LATS2: variants seen among roughly 807,000 people sequenced by gnomAD.
LATS2 encodes the protein serine/threonine-protein kinase LATS2.
Under a neutral mutation model 76.0 loss-of-function variants are expected in LATS2, and 24 were observed. The ratio of observed to expected loss-of-function variants is 0.32; its 90% CI spans 0.23 to 0.44. The LOEUF is 0.44. LATS2 is among the 20% of genes least tolerant of loss of function. The pLI is 1.00. For synonymous variants in LATS2, 692 were observed against 635.4 expected, an observed-to-expected ratio of 1.09 and a Z score of -1.34; for missense variants, 1,286 against 1,481.2, an observed-to-expected ratio of 0.87 and a Z score of 2.16.
intron 2 of LATS2, among the ~76,000 whole-genome samples, chr13:21,032,980 T>C (rs1387047431): frequency 1.3e-5 from 2 of 151,430 alleles, no homozygotes; most frequent in East Asian, 3.9e-4. Flanking sequence ...AAGAAATAAG[T>C]GGAGATCAGA....
intron 1 of LATS2, among the ~76,000 whole-genome samples, chr13:21,057,694 G>A (rs1401649884): frequency 6.6e-6 from 1 of 152,088 alleles, no homozygotes; most frequent in Non-Finnish European, 1.5e-5. Flanking sequence ...CAGCTACTCA[G>A]GAGGCTGAGG....
In LATS2 at chr13:20,974,525, T is replaced by C. The variant is rs1869499372; in HGVS notation, c.*345A>G. On this transcript the variant is annotated 3_prime_UTR_variant, in exon 8 of 8. Transcript: ENST00000382592. ...ATAAGTGCTATGGATAAAATACAAA[T>C]GTAGAAAATAACAGCAGCATGATTT... 1 of 261,772 alleles carries C rather than the reference T, an allele frequency of 3.8e-6. No homozygotes were observed. The highest frequency in any genetic ancestry group is 1.3e-4 in the South Asian group (1 of 7,714). The allele number at this position is 261,772 out of a possible 1,614,324, so 16.2% of individuals were successfully genotyped here.
In LATS2 at chr13:20,973,869, C is replaced by T. The variant is rs1415519616; in HGVS notation, c.*1001G>A. On this transcript the variant is annotated 3_prime_UTR_variant, in exon 8 of 8. Transcript: ENST00000382592. Reference sequence around the variant, plus strand: ...GCTCTACCAAGAATGAAAGAGCATACGGACTACAGAAACGGACATGTGTCC... The same window carrying T: ...GCTCTACCAAGAATGAAAGAGCATATGGACTACAGAAACGGACATGTGTCC... 2.6e-5 allele frequency: 6 copies of T among 227,898 alleles called. No homozygotes were observed. Among genetic ancestry groups the T allele is most frequent in the Admixed American group, 5.7e-5 (1 of 17,484 alleles). 14.1% of individuals were successfully genotyped at this position (227,898 alleles called of 1,614,324 possible).
intron 2 of LATS2, among the ~76,000 whole-genome samples, chr13:21,025,410 A>AC (rs1872274034): frequency 1.3e-5 from 2 of 149,288 alleles, no homozygotes; most frequent in African/African-American, 5.0e-5. Context: ...AAAAAAAAAA[A>AC]AAAATTATGG....
chr13:20,989,111 C>T lies in LATS2; in HGVS notation c.669G>A (p.Gly223=), dbSNP rs776187556. The T allele has an allele frequency of 6.2e-7, 1 of 1,604,240 alleles. No individual in the cohort carries two copies. Among genetic ancestry groups the T allele is most frequent in the African/African-American group, 1.3e-5 (1 of 74,802 alleles). Residue 223 remains glycine, a synonymous_variant, in exon 4 of 8, where the codon GGG becomes GGA. Transcript: ENST00000382592. ...GTGGGTGCTGGTGCTGGTGGCCGGG[C>T]CCGTGGGGGCCGACTCCGGGGAAAA... ...DYLFPGVGPH[G]PGHQHQHPPK... is the part of the protein sequence containing the mutation.
At chr13:21,030,613 A>AAAAAAAAAAAAAAG (rs1565960105) in intron 2 of LATS2, among the ~76,000 whole-genome samples, 3 of 19,518 alleles carry the variant, frequency 1.5e-4, no homozygotes, top group African/African-American at 2.8e-4. Flanking sequence ...AAAAAAAAAG[A>AAAAAAAAAAAAAAG]AAAAAAAAAA....
At chr13:21,006,061 C>A (rs1023846878) in intron 2 of LATS2, among the ~76,000 whole-genome samples, 1 of 151,938 alleles carries the variant, frequency 6.6e-6, no homozygotes. Context: ...CGCTGGAACC[C>A]GGAAGGCAGA....
chr13:20,986,942 C>G (rs1218180145), intron 4 of LATS2, among the ~76,000 whole-genome samples: 1 of 152,116 alleles, frequency 6.6e-6, no homozygotes. Flanking sequence ...CGTGTAATTC[C>G]AGCACTTGGG....
intron 1 of LATS2, among the ~76,000 whole-genome samples, chr13:21,057,635 T>TTA (rs1565968750): frequency 7.0e-6 from 1 of 142,520 alleles, no homozygotes. Context: ...CTACTAAAAG[T>TTA]AAAAAAAAAA....
intron 2 of LATS2, among the ~76,000 whole-genome samples, chr13:21,037,222 T>G (rs59224903): frequency 6.6e-6 from 1 of 152,134 alleles, no homozygotes; most frequent in African/African-American, 2.4e-5. Flanking sequence ...CTGGCCAACA[T>G]GGTGAAACCC....
rs539645866 is a variant in LATS2 at position 20,993,581 on chromosome 13, A to C, written c.343-2177T>G. ...GTTGCCTGCCCATGTGGGACATGGG[A>C]CATGAAGTGACAGATTGGAAAATGG... On this transcript the variant is annotated intron_variant, in intron 2 of 7. Coordinates refer to ENST00000382592, the MANE Select transcript of LATS2 (RefSeq NM_014572.3). Among the ~76,000 whole-genome samples, 7 of 152,076 alleles carry C rather than the reference A, an allele frequency of 4.6e-5. No homozygotes were observed. The East Asian group carries it at 1.2e-3, about 25-fold the overall frequency.
intron 2 of LATS2, among the ~76,000 whole-genome samples, chr13:21,004,509 T>C (rs1159617524): frequency 6.6e-6 from 1 of 151,358 alleles, no homozygotes; most frequent in East Asian, 1.9e-4. Flanking sequence ...TCAGTCCTAG[T>C]GTTTTGTATA....
At chr13:21,019,791 T>C (rs2138357940) in intron 2 of LATS2, among the ~76,000 whole-genome samples, 1 of 149,654 alleles carries the variant, frequency 6.7e-6, no homozygotes. Context: ...CTGGCCAACA[T>C]GGCAAAACCC....
At chr13:21,038,960 C>A (rs1313381498) in intron 2 of LATS2, among the ~76,000 whole-genome samples, 1 of 152,190 alleles carries the variant, frequency 6.6e-6, no homozygotes, top group Admixed American at 6.5e-5. Flanking sequence ...AGCCTAGGCA[C>A]AGAGTGAGAT....
intron 4 of LATS2, among the ~76,000 whole-genome samples, 177 bp downstream of exon 4, chr13:20,987,704 G>T (rs1188809227): frequency 6.6e-6 from 1 of 152,204 alleles, no homozygotes; most frequent in Non-Finnish European, 1.5e-5. Context: ...AGGCGAAAGG[G>T]AGGTCACACC....
chr13:20,992,044 G>A (rs967819977), intron 2 of LATS2, among the ~76,000 whole-genome samples: 2 of 152,180 alleles, frequency 1.3e-5, no homozygotes, highest in South Asian at 4.2e-4. Flanking sequence ...AGGGACTGGT[G>A]GCCACCACGG....
At chr13:21,017,653 G>A (rs540327214) in intron 2 of LATS2, among the ~76,000 whole-genome samples, 2 of 149,348 alleles carry the variant, frequency 1.3e-5, no homozygotes, top group African/African-American at 5.0e-5. Context: ...TTGAGATGGA[G>A]TCTCACTCTG....
chr13:20,984,563 A>G (rs762352987), intron 4 of LATS2, among the ~76,000 whole-genome samples: 1 of 152,174 alleles, frequency 6.6e-6, no homozygotes, highest in Admixed American at 6.5e-5. Flanking sequence ...TCTGTACACC[A>G]ATAATGAATG....
chr13:21,042,791 A>G (rs1872926224), intron 2 of LATS2, among the ~76,000 whole-genome samples: 4 of 150,252 alleles, frequency 2.7e-5, no homozygotes, highest in South Asian at 4.3e-4. Context: ...GATTGAGTCC[A>G]TCCTGGCTAA....
Sources: gnomAD v4.1 joint callset for allele counts (sites outside exome capture counted in the v4.1 genomes callset) on GRCh38, gnomAD v4.1.1 for gene constraint, MANE v1.5 for transcripts, NCBI Gene and HGNC (gene_info 2026-07-23, HGNC 2026-07-21) for gene names.